HDAC9: variants seen among roughly 807,000 people sequenced by gnomAD.
The protein encoded by HDAC9 is histone deacetylase 9, also known as MEF-2 interacting transcription repressor (MITR) protein.
Under a neutral mutation model 139.4 loss-of-function variants are expected in HDAC9, and 41 were observed. The ratio of observed to expected loss-of-function variants is 0.29; its 90% CI spans 0.23 to 0.38. HDAC9 has a LOEUF of 0.38. Among genes scored for constraint, HDAC9 ranks in the 10% least tolerant of loss-of-function variants. The pLI is 1.00. For missense variants in HDAC9, 1,147 were observed against 1,297.0 expected, an observed-to-expected ratio of 0.88 and a Z score of 1.78; for synonymous variants, 517 against 476.2, an observed-to-expected ratio of 1.09 and a Z score of -1.12.
At chr7:18,546,623 A>T (rs1814924299) in intron 2 of HDAC9, among the ~76,000 whole-genome samples, 2 of 152,222 alleles carry the variant, frequency 1.3e-5, no homozygotes, top group South Asian at 4.1e-4. Context: ...ATTTTAAAAT[A>T]GGCAAGTTGT....
chr7:18,811,203 G>GT (rs1394244671), intron 17 of HDAC9, among the ~76,000 whole-genome samples: 2 of 151,336 alleles, frequency 1.3e-5, no homozygotes, highest in African/African-American at 4.8e-5. Flanking sequence ...CCAGCCTTTA[G>GT]TTTTGTTAAT....
chr7:18,379,801 T>C (rs1785277652), intron 1 of HDAC9, among the ~76,000 whole-genome samples: 1 of 152,220 alleles, frequency 6.6e-6, no homozygotes, highest in Admixed American at 6.5e-5. Context: ...AGGTCTCTAT[T>C]TCTTGACCCT....
chr7:18,639,448 ATCTT>A (rs146585376), intron 8 of HDAC9, among the ~76,000 whole-genome samples: 2,313 of 152,120 alleles, frequency 0.015, 58 homozygotes, highest in African/African-American at 0.053. Flanking sequence ...CTGTCAAATG[ATCTT>A]TCTTTTTTTG....
intron 1 of HDAC9, among the ~76,000 whole-genome samples, chr7:18,302,488 A>G (rs974868004): frequency 6.6e-6 from 1 of 152,228 alleles, no homozygotes; most frequent in Non-Finnish European, 1.5e-5. Context: ...TAAGCATATT[A>G]TTAGCTACCT....
chr7:18,125,432 CGTGTGT>C (rs10647409), intron 1 of HDAC9, among the ~76,000 whole-genome samples: 2 of 142,554 alleles, frequency 1.4e-5, no homozygotes, highest in African/African-American at 2.9e-5. Context: ...TATATATATG[CGTGTGT>C]GTGTGTGTGT....
At chr7:18,344,990 A>G (rs1782290866) in intron 1 of HDAC9, among the ~76,000 whole-genome samples, 1 of 152,038 alleles carries the variant, frequency 6.6e-6, no homozygotes, top group Non-Finnish European at 1.5e-5. Flanking sequence ...CGGGATTTGG[A>G]TGATCTTGGG....
intron 6 of HDAC9, 46 bp downstream of exon 6, chr7:18,594,075 C>T (rs144662934): frequency 7.3e-5 from 117 of 1,603,050 alleles, no homozygotes; most frequent in Non-Finnish European, 9.2e-5. Flanking sequence ...TGTAACACAC[C>T]TGTAAGTTTC....
At chr7:18,770,783 TA>T (rs1208018109) in intron 16 of HDAC9, among the ~76,000 whole-genome samples, 1 of 152,176 alleles carries the variant, frequency 6.6e-6, no homozygotes, top group Non-Finnish European at 1.5e-5. Flanking sequence ...GACATGGTTG[TA>T]AAAGTATAAA....
chr7:18,935,415 T>C (rs1172912156), intron 22 of HDAC9, among the ~76,000 whole-genome samples: 3 of 152,152 alleles, frequency 2.0e-5, no homozygotes, highest in Non-Finnish European at 4.4e-5. Context: ...GAAAACTTTC[T>C]ATAATAAAGG....
At chr7:18,569,665 A>G (rs1243342547) in intron 2 of HDAC9, among the ~76,000 whole-genome samples, 1 of 152,214 alleles carries the variant, frequency 6.6e-6, no homozygotes, top group Admixed American at 6.5e-5. Context: ...GCCATGGAGA[A>G]GAATTATTAC....
chr7:18,452,596 C>CTATAATTG (rs1792974271), intron 1 of HDAC9, among the ~76,000 whole-genome samples: 1 of 152,156 alleles, frequency 6.6e-6, no homozygotes, highest in South Asian at 2.1e-4. Flanking sequence ...CAAATCTTAC[C>CTATAATTG]TATAATTGTA....
At chr7:18,371,459 T>G (rs1784586330) in intron 1 of HDAC9, among the ~76,000 whole-genome samples, 1 of 152,188 alleles carries the variant, frequency 6.6e-6, no homozygotes, top group East Asian at 1.9e-4. Flanking sequence ...TGTGTATATT[T>G]TATCTCACTG....
chr7:18,812,399 T>A (rs1471642460), intron 17 of HDAC9, among the ~76,000 whole-genome samples: 3 of 152,000 alleles, frequency 2.0e-5, no homozygotes, highest in African/African-American at 4.8e-5. Context: ...CTTTTGTTTA[T>A]AAGAAAATAT....
At chr7:18,776,516 G>A (rs541007016) in intron 16 of HDAC9, among the ~76,000 whole-genome samples, 28 of 152,086 alleles carry the variant, frequency 1.8e-4, no homozygotes, top group Middle Eastern at 3.4e-3. Flanking sequence ...AACAGAAAAC[G>A]TTTTATCCTA....
chr7:18,619,930 T>G (rs1721805078), intron 6 of HDAC9, among the ~76,000 whole-genome samples: 1 of 152,062 alleles, frequency 6.6e-6, no homozygotes, highest in Admixed American at 6.6e-5. Flanking sequence ...AGCAAATGAA[T>G]GTCTGCCTTT....
chr7:18,091,881 T>C (rs969870954), intron 1 of HDAC9, among the ~76,000 whole-genome samples: 1 of 152,156 alleles, frequency 6.6e-6, no homozygotes. Flanking sequence ...GCTGCTGTTA[T>C]TCTTTGCCAT....
chr7:18,652,614 C>A (rs1789659960), intron 11 of HDAC9, among the ~76,000 whole-genome samples: 2 of 152,050 alleles, frequency 1.3e-5, no homozygotes, highest in Non-Finnish European at 2.9e-5. Flanking sequence ...GCCCCATCCC[C>A]TTGACAACAT....
intron 1 of HDAC9, among the ~76,000 whole-genome samples, chr7:18,108,514 A>G (rs1783380825): frequency 6.6e-6 from 1 of 152,090 alleles, no homozygotes; most frequent in Admixed American, 6.5e-5. Context: ...CTTTATTTCA[A>G]ATGAGAACTT....
chr7:18,403,350 C>T (rs529557130), intron 1 of HDAC9, among the ~76,000 whole-genome samples: 73 of 152,216 alleles, frequency 4.8e-4, no homozygotes, highest in Middle Eastern at 3.4e-3. Flanking sequence ...TTGATCAATA[C>T]TAATTTATTG....
Sources: gnomAD v4.1 joint callset for allele counts (sites outside exome capture counted in the v4.1 genomes callset) on GRCh38, gnomAD v4.1.1 for gene constraint, MANE v1.5 for transcripts, NCBI Gene and HGNC (gene_info 2026-07-23, HGNC 2026-07-21) for gene names.